OMA1: variants seen among roughly 807,000 people sequenced by gnomAD.
OMA1 encodes the protein OMA1 zinc metallopeptidase.
OMA1 carries 38 observed loss-of-function variants against 30.9 expected under a neutral mutation model. The observed-to-expected ratio is 1.23, with a 90% CI of 0.95 to 1.61. The LOEUF is 1.61. Among genes scored for constraint, OMA1 ranks in the 40% most tolerant of loss-of-function variants. OMA1 has a pLI of 0.00. For synonymous variants in OMA1, 173 were observed against 121.9 expected, an observed-to-expected ratio of 1.42 and a Z score of -2.76; for missense variants, 461 against 349.2, an observed-to-expected ratio of 1.32 and a Z score of -2.55.
At chr1:58,543,250 A>G (rs189546372) in intron 1 of OMA1, among the ~76,000 whole-genome samples, 10 of 152,320 alleles carry the variant, frequency 6.6e-5, no homozygotes, top group Admixed American at 5.9e-4. Context: ...ACAGTTATAC[A>G]TTTGTTTTTG....
Position 58,530,466 on chromosome 1 carries a change from A to T in OMA1, c.1140+135T>A, listed in dbSNP as rs555581847. On this transcript the variant is annotated intron_variant, in intron 6 of 8. Coordinates refer to ENST00000371226, the MANE Select transcript of OMA1 (RefSeq NM_145243.5). ...AAGAATATCCCCTAAAAACGAGAAA[A>T]CATAAGACACTAAAAATTCGTACCC... The T allele has an allele frequency of 8.9e-6, 5 of 564,338 alleles. No individual in the cohort carries two copies. The East Asian group carries it at 1.4e-4, about 16-fold the overall frequency. 35.0% of individuals were successfully genotyped at this position (564,338 alleles called of 1,614,324 possible).
intron 5 of OMA1, among the ~76,000 whole-genome samples, chr1:58,533,073 T>C (rs1251318606): frequency 6.6e-6 from 1 of 152,230 alleles, no homozygotes; most frequent in African/African-American, 2.4e-5. Context: ...ATTTAAAAAA[T>C]ACTTTCTCTA....
intron 7 of OMA1, among the ~76,000 whole-genome samples, chr1:58,510,465 A>C (rs1646055970): frequency 6.6e-6 from 1 of 152,102 alleles, no homozygotes; most frequent in African/African-American, 2.4e-5. Context: ...AAATAGAAAA[A>C]AATTATCTCG....
At chr1:58,514,768 T>G (rs904180725) in intron 7 of OMA1, among the ~76,000 whole-genome samples, 1 of 152,112 alleles carries the variant, frequency 6.6e-6, no homozygotes, top group African/African-American at 2.4e-5. Flanking sequence ...GATCATTATT[T>G]TAGAAGCAAT....
intron 8 of OMA1, among the ~76,000 whole-genome samples, chr1:58,504,553 T>C (rs1047063185): frequency 6.6e-6 from 1 of 152,178 alleles, no homozygotes. Flanking sequence ...TGGCATACTA[T>C]ATGTTTGTTT....
chr1:58,531,822 C>T (rs1433906833), intron 5 of OMA1, among the ~76,000 whole-genome samples: 1 of 152,062 alleles, frequency 6.6e-6, no homozygotes, highest in Admixed American at 6.5e-5. Flanking sequence ...GTTTCTCCTG[C>T]CTCAGCCTCC....
intron 5 of OMA1, among the ~76,000 whole-genome samples, chr1:58,532,587 G>A (rs916845236): frequency 5.3e-5 from 8 of 152,112 alleles, no homozygotes; most frequent in Non-Finnish European, 8.8e-5. Flanking sequence ...GAGTGCAGTG[G>A]TGCGATCATG....
At chr1:58,496,849 G>A (rs760865451) in intron 8 of OMA1, among the ~76,000 whole-genome samples, 20 of 152,036 alleles carry the variant, frequency 1.3e-4, no homozygotes, top group South Asian at 8.3e-4. Context: ...TAGATTTCTC[G>A]TGAAGACACA....
chr1:58,508,461 C>G (rs1646023552), intron 7 of OMA1, among the ~76,000 whole-genome samples: 1 of 152,160 alleles, frequency 6.6e-6, no homozygotes, highest in Non-Finnish European at 1.5e-5. Flanking sequence ...TGCACCTGCA[C>G]AAGTACGAAA....
intron 8 of OMA1, among the ~76,000 whole-genome samples, chr1:58,483,900 A>G (rs1180516401): frequency 6.6e-6 from 1 of 152,198 alleles, no homozygotes; most frequent in African/African-American, 2.4e-5. Context: ...ATATCAGTGT[A>G]GTGCCTATGT....
intron 8 of OMA1, among the ~76,000 whole-genome samples, chr1:58,505,696 A>AT (rs1441182350): frequency 6.6e-6 from 1 of 152,178 alleles, no homozygotes; most frequent in African/African-American, 2.4e-5. Flanking sequence ...ATTAACTGGT[A>AT]TTTTTAACAA....
At chr1:58,487,156 G>T (rs116618060) in intron 8 of OMA1, among the ~76,000 whole-genome samples, 1 of 152,174 alleles carries the variant, frequency 6.6e-6, no homozygotes, top group Admixed American at 6.5e-5. Context: ...AGATGATGGT[G>T]ACTTTTACTA....
Position 58,538,974 on chromosome 1 carries a change from C to T in OMA1, c.321G>A (p.Gln107=). 2 of 872,708 alleles carry T rather than the reference C, an allele frequency of 2.3e-6. No homozygotes were observed. The highest frequency in any genetic ancestry group is 2.6e-5 in the South Asian group (2 of 76,492). 54.1% of individuals were successfully genotyped at this position (872,708 alleles called of 1,614,324 possible). A position where few individuals can be genotyped will look rare whatever the true frequency, so the allele number is the denominator to read the frequency against. The change falls in exon 2 of 9, where the codon CAG becomes CAA. Residue 107 remains glutamine, a synonymous_variant. Transcript: ENST00000371226. ...CTGCTGTAACTTCTTTTATTAGCAGCTGTCTTGAAAAAGCATCATTCCATA... is the reference window on the plus strand; with the variant it reads ...CTGCTGTAACTTCTTTTATTAGCAGTTGTCTTGAAAAAGCATCATTCCATA... ...CTVWNDAFSR[Q]LLIKEVTAVP...
At position 58,541,628 on chromosome 1, in the gene OMA1, A is replaced by AC. The variant is rs1646619682; in HGVS notation, c.-16-2319_-16-2318insG. ...TGAGAACCTGTCAAAAAAAAAAAAAAAAAAAAAAAAAAACCAAAAACAAAA... is the reference window on the plus strand; with the variant it reads ...TGAGAACCTGTCAAAAAAAAAAAAAACAAAAAAAAAAAAACCAAAAACAAAA... On this transcript the variant is annotated intron_variant, in intron 1 of 8. Transcript: ENST00000371226. 2.0e-5 allele frequency: 3 copies of AC among 148,208 alleles called. 1 individual carries two copies. Among genetic ancestry groups the AC allele is most frequent in the African/African-American group, 7.4e-5 (3 of 40,664 alleles). The allele number at this position is 148,208 out of a possible 1,614,324, so 9.2% of individuals were successfully genotyped here. A position where few individuals can be genotyped will look rare whatever the true frequency, so the allele number is the denominator to read the frequency against.
intron 7 of OMA1, among the ~76,000 whole-genome samples, chr1:58,514,537 T>G (rs1646130153): frequency 6.6e-6 from 1 of 152,174 alleles, no homozygotes; most frequent in African/African-American, 2.4e-5. Flanking sequence ...ATCCTGACAC[T>G]GAATGAATCT....
chr1:58,489,757 G>C (rs1361077991), intron 8 of OMA1, among the ~76,000 whole-genome samples: 1 of 152,192 alleles, frequency 6.6e-6, no homozygotes, highest in South Asian at 2.1e-4. Flanking sequence ...CCAGAGGAAT[G>C]ATGAGGCAGC....
intron 8 of OMA1, among the ~76,000 whole-genome samples, chr1:58,490,777 G>A (rs1645667725): frequency 6.6e-6 from 1 of 150,792 alleles, no homozygotes; most frequent in African/African-American, 2.4e-5. Flanking sequence ...AAGAGAGTGG[G>A]GGCCAATAGT....
chr1:58,489,414 G>A (rs557808121), intron 8 of OMA1, among the ~76,000 whole-genome samples: 43 of 152,280 alleles, frequency 2.8e-4, no homozygotes, highest in Non-Finnish European at 5.1e-4. Context: ...TGCCATTGCC[G>A]AGGCTTGAGT....
At chr1:58,505,167 G>C (rs775672858) in intron 8 of OMA1, among the ~76,000 whole-genome samples, 1 of 152,138 alleles carries the variant, frequency 6.6e-6, no homozygotes, top group African/African-American at 2.4e-5. Context: ...GGCCAGGCTG[G>C]TCTCGAACTC....
Sources: gnomAD v4.1 joint callset for allele counts (sites outside exome capture counted in the v4.1 genomes callset) on GRCh38, gnomAD v4.1.1 for gene constraint, MANE v1.5 for transcripts, NCBI Gene and HGNC (gene_info 2026-07-23, HGNC 2026-07-21) for gene names.